TMEM260: variants seen among roughly 807,000 people sequenced by gnomAD.
The protein encoded by TMEM260 is protein O-mannosyl-transferase TMEM260.
In TMEM260, 82 loss-of-function variants were observed where a neutral mutation model predicts 88.9. The observed-to-expected ratio is 0.92, with a 90% confidence interval of 0.77 to 1.11. TMEM260 has a LOEUF of 1.11. Among genes scored for constraint, TMEM260 ranks in the 50% least tolerant of loss-of-function variants. The pLI is 0.00. For synonymous variants in TMEM260, 314 were observed against 309.3 expected (o/e 1.02, Z -0.16); for missense variants, 902 against 853.4 (o/e 1.06, Z -0.71).
intron 12 of TMEM260, among the ~76,000 whole-genome samples, chr14:56,629,491 T>G (rs1237925675): frequency 2.0e-5 from 3 of 151,980 alleles, no homozygotes; most frequent in African/African-American, 4.8e-5. Context: ...AAAAAAATAT[T>G]CTACAATATT....
At chr14:56,637,561 C>T (rs562442154) in intron 15 of TMEM260, among the ~76,000 whole-genome samples, 1 of 152,358 alleles carries the variant, frequency 6.6e-6, no homozygotes, top group South Asian at 2.1e-4. Context: ...CTTGCAGAGT[C>T]TGCTCTATAG....
At chr14:56,595,849 T>G (rs1407721401) in intron 3 of TMEM260, among the ~76,000 whole-genome samples, 1 of 152,118 alleles carries the variant, frequency 6.6e-6, no homozygotes, top group Non-Finnish European at 1.5e-5. Context: ...AATATGAAAA[T>G]AAAAGTTTTT....
rs374642838 is a variant in TMEM260, at chr14:56,636,622, A to C, written c.1869+24A>C. 5.0e-6 allele frequency: 8 copies of C among 1,591,442 alleles called. No homozygotes were observed. The African/African-American group carries it at 1.1e-4, about 21-fold the overall frequency. On this transcript the variant is annotated intron_variant, in intron 15 of 15. Transcript: ENST00000261556. Reference sequence around the variant, plus strand: ...ACGTATGTTACACTTTTATATGTAGATATAGATATATTTGGTGGGAAGGTG... The same window carrying C: ...ACGTATGTTACACTTTTATATGTAGCTATAGATATATTTGGTGGGAAGGTG...
intron 7 of TMEM260, among the ~76,000 whole-genome samples, chr14:56,614,076 T>C (rs1887451739): frequency 1.3e-5 from 2 of 151,622 alleles, no homozygotes; most frequent in Admixed American, 1.3e-4. Context: ...GCCCAGCTGA[T>C]TTTTGTATTT....
chr14:56,643,690 C>T (rs1317065979), intron 15 of TMEM260, among the ~76,000 whole-genome samples: 12 of 152,180 alleles, frequency 7.9e-5, no homozygotes, highest in East Asian at 1.9e-4. Flanking sequence ...AAATAAAGGG[C>T]ATTCGATTAG....
intron 13 of TMEM260, among the ~76,000 whole-genome samples, chr14:56,634,581 G>A (rs1024657676): frequency 2.0e-5 from 3 of 152,102 alleles, no homozygotes; most frequent in Non-Finnish European, 2.9e-5. Context: ...GGTGGTTCAC[G>A]CCTATAATCC....
At chr14:56,642,012 T>C (rs1889631557) in intron 15 of TMEM260, among the ~76,000 whole-genome samples, 2 of 152,086 alleles carry the variant, frequency 1.3e-5, no homozygotes, top group South Asian at 4.1e-4. Flanking sequence ...ATAAAGCAAG[T>C]CCTTAGTGAC....
chr14:56,639,058 G>C (rs1210074957), intron 15 of TMEM260, among the ~76,000 whole-genome samples: 2 of 152,290 alleles, frequency 1.3e-5, no homozygotes, highest in Admixed American at 1.3e-4. Context: ...CTGAAGACTA[G>C]TAGGTGGGTC....
At chr14:56,626,170 A>G (rs1320860008) in intron 12 of TMEM260, among the ~76,000 whole-genome samples, 1 of 152,224 alleles carries the variant, frequency 6.6e-6, no homozygotes, top group Non-Finnish European at 1.5e-5. Flanking sequence ...TTTTTCTTAT[A>G]AAGAAGACTT....
At chr14:56,621,457 A>T (rs1887911024) in intron 10 of TMEM260, 74 bp from the exon 11 acceptor site, 1 of 1,113,590 alleles carries the variant, frequency 9.0e-7, no homozygotes, top group South Asian at 1.8e-5. Flanking sequence ...AGAATGGCAT[A>T]GAAAATAAGC....
intron 1 of TMEM260, among the ~76,000 whole-genome samples, chr14:56,584,006 GTGTGTGTGTGTGTGTGTGTGTA>G (rs928040065): frequency 9.9e-5 from 15 of 151,176 alleles, no homozygotes; most frequent in African/African-American, 2.9e-4. Context: ...GTGTGTGTGT[GTGTGTGTGTGTGTGTGTGTGTA>G]TGTGTTTAGG....
In TMEM260 at chr14:56,584,988, T is replaced by A. The variant is rs547285058; in HGVS notation, c.161-13T>A. 4.3e-6 allele frequency: 7 copies of A among 1,609,750 alleles called. No individual in the cohort carries two copies. The highest frequency in any genetic ancestry group is 5.9e-6 in the Non-Finnish European group (7 of 1,178,070). On this transcript the variant is annotated splice_polypyrimidine_tract_variant and intron_variant, in intron 1 of 15. Transcript: ENST00000261556. Reference sequence around the variant, plus strand: ...CTAATAGTAATTATTGGTTTTACATTATTTTTTCACAGGGGAACTGATCAC... The same window carrying A: ...CTAATAGTAATTATTGGTTTTACATAATTTTTTCACAGGGGAACTGATCAC...
intron 15 of TMEM260, among the ~76,000 whole-genome samples, chr14:56,646,766 T>C (rs774825207): frequency 2.6e-5 from 4 of 152,158 alleles, no homozygotes; most frequent in Non-Finnish European, 5.9e-5. Context: ...TTGTTTTTAA[T>C]GTAGAGAGAA....
intron 7 of TMEM260, 183 bp from the exon 8 acceptor site, chr14:56,615,761 T>G: frequency 1.8e-6 from 1 of 542,436 alleles, no homozygotes; most frequent in Non-Finnish European, 3.3e-6. Context: ...GGAAAACGTC[T>G]TGGAACTATT....
At position 56,585,023 on chromosome 14, in the gene TMEM260, T is replaced by C; in HGVS notation, c.183T>C (p.His61=). 6.2e-7 allele frequency: 1 copy of C among 1,612,098 alleles called. No individual in the cohort carries two copies. Among genetic ancestry groups the C allele is most frequent in the Non-Finnish European group, 8.5e-7 (1 of 1,178,752 alleles). ...GDSGELITAA[H]ELGVAHPPGY... ...CAGGGGAACTGATCACAGCCGCACA[T>C]GAGCTTGGAGTAAGTATTAGTTTTA... is the stretch of plus-strand genomic sequence containing the variant. Residue 61 remains histidine (H), a synonymous_variant, in exon 2 of 16, where the codon CAT becomes CAC. Coordinates refer to ENST00000261556, the MANE Select transcript of TMEM260 (RefSeq NM_017799.4).
chr14:56,638,460 T>C (rs1889296388), intron 15 of TMEM260: 1 of 152,220 alleles, frequency 6.6e-6, no homozygotes, highest in African/African-American at 2.4e-5. Context: ...TTACTGATAC[T>C]TTATATTCTC....
At chr14:56,584,420 ATG>A (rs1164843867) in intron 1 of TMEM260, among the ~76,000 whole-genome samples, 4 of 152,310 alleles carry the variant, frequency 2.6e-5, no homozygotes, top group Non-Finnish European at 4.4e-5. Context: ...ATAAAGGACT[ATG>A]TAAAGAATAT....
Position 56,625,393 on chromosome 14 carries a change from C to G in TMEM260, c.1410C>G (p.Tyr470Ter), listed in dbSNP as rs375476463. The G allele has an allele frequency of 5.6e-6, 9 of 1,613,072 alleles. No homozygotes were observed. The highest frequency in any genetic ancestry group is 5.5e-5 in the South Asian group (5 of 90,624). Reference protein sequence around the residue: ...ISLVDQEMMTYEWYLPKMAKH... With the variant: ...ISLVDQEMMT ...GACTTTTCTGGCAGATGATGACTTA[C>G]GAGTGGTATTTACCCAAGATGGCAA... Residue 470 changes from tyrosine to a stop codon, truncating the protein, a stop_gained, in exon 12 of 16, where the codon TAC becomes TAG. Transcript: ENST00000261556. LOFTEE classifies it high-confidence loss of function.
At chr14:56,584,958 A>G (rs1433748969) in intron 1 of TMEM260, 43 bp from the exon 2 acceptor site, 2 of 1,581,412 alleles carry the variant, frequency 1.3e-6, no homozygotes, top group South Asian at 2.3e-5. Context: ...GAGGAGTGTC[A>G]TTCTCTAATA....
Sources: gnomAD v4.1 joint callset for allele counts (sites outside exome capture counted in the v4.1 genomes callset) on GRCh38, gnomAD v4.1.1 for gene constraint, MANE v1.5 for transcripts, NCBI Gene and HGNC (gene_info 2026-07-23, HGNC 2026-07-21) for gene names.